OLA1: variants seen among roughly 807,000 people sequenced by gnomAD.
The protein encoded by OLA1 is Obg like ATPase 1, also known as obg-like ATPase 1.
Under a neutral mutation model 48.4 loss-of-function variants are expected in OLA1, and 14 were observed. That is an observed-to-expected ratio of 0.29 (90% CI 0.19 to 0.45). The LOEUF is 0.45. Ranked by LOEUF, OLA1 falls within the 20% of genes least tolerant of loss-of-function variation. The probability of loss-of-function intolerance (pLI) is 1.00; values close to 1 mark genes in which losing one functional copy is unlikely to be tolerated. For missense variants in OLA1, 325 were observed against 467.1 expected (o/e 0.70, Z 2.80); for synonymous variants, 127 against 150.4 (o/e 0.84, Z 1.14).
intron 4 of OLA1, among the ~76,000 whole-genome samples, chr2:174,199,082 G>A (rs1052235673): frequency 6.6e-6 from 1 of 152,092 alleles, no homozygotes. Context: ...GCTGGGTGAG[G>A]AAACAGAAGT....
intron 7 of OLA1, among the ~76,000 whole-genome samples, chr2:174,085,937 T>C (rs551558222): frequency 4.6e-5 from 7 of 152,322 alleles, no homozygotes; most frequent in South Asian, 4.1e-4. Flanking sequence ...CCATTTGTCA[T>C]CTGCTAATGA....
chr2:174,099,047 C>A (rs953976912), intron 7 of OLA1, among the ~76,000 whole-genome samples: 2 of 152,066 alleles, frequency 1.3e-5, no homozygotes, highest in Non-Finnish European at 2.9e-5. Flanking sequence ...GATCACCCTG[C>A]AGTTTCTAAG....
At chr2:174,080,314 G>A (rs1033524767) in intron 9 of OLA1, among the ~76,000 whole-genome samples, 8 of 151,894 alleles carry the variant, frequency 5.3e-5, no homozygotes, top group East Asian at 3.9e-4. Flanking sequence ...AAAATTTATC[G>A]TGTAGCATAT....
chr2:174,205,613 T>C (rs1453888722), intron 4 of OLA1, among the ~76,000 whole-genome samples: 4 of 152,124 alleles, frequency 2.6e-5, no homozygotes, highest in Admixed American at 1.3e-4. Context: ...AATATCTAAA[T>C]CTCTGCTGGT....
intron 7 of OLA1, among the ~76,000 whole-genome samples, chr2:174,084,119 A>C (rs1243457955): frequency 6.6e-6 from 1 of 152,226 alleles, no homozygotes; most frequent in Non-Finnish European, 1.5e-5. Context: ...TTGTACCTTA[A>C]CTATAATTGG....
At position 174,131,914 on chromosome 2, in the gene OLA1, A is replaced by C. The variant is rs376253510; in HGVS notation, c.550-8239T>G. ...TTGGTATCAGGACTATTCTGACCTCACACAAGTTTTTCCTCTTTTTCTACT... is the reference window on the plus strand; with the variant it reads ...TTGGTATCAGGACTATTCTGACCTCCCACAAGTTTTTCCTCTTTTTCTACT... On this transcript the variant is annotated intron_variant, in intron 5 of 10. Coordinates refer to ENST00000284719, the MANE Select transcript of OLA1 (RefSeq NM_013341.5). Among the ~76,000 whole-genome samples, 33 of 152,186 alleles carry C rather than the reference A, an allele frequency of 2.2e-4. No homozygotes were observed. In the East Asian group the frequency reaches 6.4e-3, roughly 29 times the overall value.
rs201151800 is a variant in OLA1 at position 174,107,226 on chromosome 2, TCTCA to T, written c.728+15950_728+15953del. On this transcript the variant is annotated intron_variant, in intron 7 of 10. Transcript: ENST00000284719. ...CAATTAAAAATGATGTGGTTTAATG[TCTCA>T]CTCTTGTCTACTGACTCACATTTTA... is the stretch of plus-strand genomic sequence containing the variant. 4.3e-3 allele frequency among the ~76,000 whole-genome samples: 650 copies of T among 152,298 alleles called. 2 individuals are homozygous for T. Among genetic ancestry groups the T allele is most frequent in the African/African-American group, 0.015 (618 of 41,574 alleles).
chr2:174,133,205 C>T (rs1374526592), intron 5 of OLA1, among the ~76,000 whole-genome samples: 2 of 152,146 alleles, frequency 1.3e-5, no homozygotes, highest in Admixed American at 1.3e-4. Flanking sequence ...GCATCTTCAA[C>T]TTACAATGGT....
At chr2:174,165,500 CTG>C (rs761743121) in intron 4 of OLA1, among the ~76,000 whole-genome samples, 12 of 152,294 alleles carry the variant, frequency 7.9e-5, no homozygotes, top group Non-Finnish European at 1.6e-4. Context: ...CTGAAAAACA[CTG>C]TGAAGCGAAA....
chr2:174,137,723 G>A (rs994976357), intron 5 of OLA1, among the ~76,000 whole-genome samples: 1 of 152,220 alleles, frequency 6.6e-6, no homozygotes, highest in Non-Finnish European at 1.5e-5. Flanking sequence ...ACCTCTGTAA[G>A]CTTCCAACTT....
intron 7 of OLA1, among the ~76,000 whole-genome samples, chr2:174,096,799 T>C (rs543867633): frequency 6.6e-6 from 1 of 152,192 alleles, no homozygotes; most frequent in Non-Finnish European, 1.5e-5. Flanking sequence ...TCATTCTCAA[T>C]AGTTACTGTA....
At chr2:174,077,883 A>G (rs764807379) in intron 10 of OLA1, among the ~76,000 whole-genome samples, 1 of 151,996 alleles carries the variant, frequency 6.6e-6, no homozygotes, top group Non-Finnish European at 1.5e-5. Context: ...TTGTTCGTCT[A>G]ATTAGTATTC....
chr2:174,207,853 T>G (rs558445008), intron 4 of OLA1, among the ~76,000 whole-genome samples: 9 of 152,302 alleles, frequency 5.9e-5, no homozygotes, highest in African/African-American at 2.2e-4. Flanking sequence ...TAAAGTTGAC[T>G]CTTGAACAAC....
chr2:174,130,486 A>G (rs936593251), intron 5 of OLA1, among the ~76,000 whole-genome samples: 4 of 152,216 alleles, frequency 2.6e-5, no homozygotes, highest in Non-Finnish European at 5.9e-5. Context: ...GACCACCCCC[A>G]GAATATAATG....
At chr2:174,173,269 A>G (rs1574527642) in intron 4 of OLA1, among the ~76,000 whole-genome samples, 1 of 152,186 alleles carries the variant, frequency 6.6e-6, no homozygotes, top group Non-Finnish European at 1.5e-5. Context: ...AGAAGAAATG[A>G]TTATAAAATT....
chr2:174,231,719 C>T (rs141628156), intron 2 of OLA1, among the ~76,000 whole-genome samples: 3 of 152,092 alleles, frequency 2.0e-5, no homozygotes, highest in Non-Finnish European at 4.4e-5. Flanking sequence ...TATTAAATGT[C>T]GTGAAACCCA....
At chr2:174,086,852 C>G (rs1426649737) in intron 7 of OLA1, among the ~76,000 whole-genome samples, 1 of 152,088 alleles carries the variant, frequency 6.6e-6, no homozygotes, top group Non-Finnish European at 1.5e-5. Flanking sequence ...ACAGCGGGAA[C>G]TGAAACGGCA....
intron 4 of OLA1, among the ~76,000 whole-genome samples, chr2:174,208,894 C>T (rs888142195): frequency 2.0e-5 from 3 of 152,138 alleles, no homozygotes; most frequent in African/African-American, 4.8e-5. Context: ...ACAAAAACTG[C>T]GTAAAGTTAG....
chr2:174,197,189 T>C (rs1687896481), intron 4 of OLA1, among the ~76,000 whole-genome samples: 1 of 152,190 alleles, frequency 6.6e-6, no homozygotes, highest in South Asian at 2.1e-4. Flanking sequence ...TTAATTGATA[T>C]CTGGCTACTG....
Sources: gnomAD v4.1 joint callset for allele counts (sites outside exome capture counted in the v4.1 genomes callset) on GRCh38, gnomAD v4.1.1 for gene constraint, MANE v1.5 for transcripts, NCBI Gene and HGNC (gene_info 2026-07-23, HGNC 2026-07-21) for gene names.